THOC7: variants seen among roughly 807,000 people sequenced by gnomAD.
The protein encoded by THOC7 is THO complex subunit 7, also known as NIF3L1-binding protein 1.
THOC7 carries 22 observed loss-of-function variants against 33.1 expected under a neutral mutation model. The observed-to-expected ratio is 0.66, with a 90% CI of 0.47 to 0.95. THOC7 has a LOEUF of 0.95. Among genes scored for constraint, THOC7 ranks in the 40% least tolerant of loss-of-function variants. The probability of loss-of-function intolerance (pLI) is 0.00; values close to 1 mark genes in which losing one functional copy is unlikely to be tolerated. For synonymous variants in THOC7, 77 were observed against 76.8 expected (o/e 1.00, Z -0.01); for missense variants, 184 against 245.3 (o/e 0.75, Z 1.67).
chr3:63,835,492 A>C (rs1701612951), intron 5 of THOC7, 102 bp from the exon 6 acceptor site: 2 of 1,065,758 alleles, frequency 1.9e-6, no homozygotes, highest in African/African-American at 1.6e-5. Flanking sequence ...TAAAATAAAA[A>C]AAGGGCTTAT....
chr3:63,834,375 C>A (rs1472672267), intron 7 of THOC7, among the ~76,000 whole-genome samples, 176 bp from the exon 8 acceptor site: 2 of 151,622 alleles, frequency 1.3e-5, no homozygotes, highest in Non-Finnish European at 2.9e-5. Flanking sequence ...AAAAAAAAAT[C>A]CAGGCAGGGT....
At chr3:63,841,541 T>C (rs1701760895) in intron 1 of THOC7, among the ~76,000 whole-genome samples, 1 of 152,196 alleles carries the variant, frequency 6.6e-6, no homozygotes, top group East Asian at 1.9e-4. Flanking sequence ...AGATAAACTT[T>C]GGAAGGCAGA....
intron 1 of THOC7, chr3:63,848,612 C>G (rs1222081284): frequency 2.0e-5 from 3 of 152,140 alleles, no homozygotes; most frequent in African/African-American, 4.8e-5. Context: ...TTAACCTTGG[C>G]AAAATAAACT....
intron 1 of THOC7, among the ~76,000 whole-genome samples, chr3:63,862,908 C>T (rs541241495): frequency 1.8e-4 from 27 of 152,284 alleles, no homozygotes; most frequent in Non-Finnish European, 3.5e-4. Context: ...TAGACCATCT[C>T]CCTTAGACTG....
At chr3:63,862,290 T>C (rs2107173861) in intron 1 of THOC7, among the ~76,000 whole-genome samples, 1 of 152,398 alleles carries the variant, frequency 6.6e-6, no homozygotes, top group South Asian at 2.1e-4. Context: ...ATCTATTTAT[T>C]CTTCAAAAAT....
intron 1 of THOC7, among the ~76,000 whole-genome samples, chr3:63,853,689 A>T (rs1702058591): frequency 6.6e-6 from 1 of 152,158 alleles, no homozygotes; most frequent in Non-Finnish European, 1.5e-5. Flanking sequence ...CGGGAGGATC[A>T]CGAGGTCAGG....
chr3:63,845,110 G>C (rs73831964), intron 1 of THOC7: 2 of 685,440 alleles, frequency 2.9e-6, no homozygotes, highest in Admixed American at 4.2e-5. Flanking sequence ...TTCTGGGGGT[G>C]GGGGGTACTA....
intron 1 of THOC7, among the ~76,000 whole-genome samples, chr3:63,853,318 G>A (rs1470736526): frequency 3.9e-5 from 6 of 152,172 alleles, no homozygotes; most frequent in African/African-American, 1.4e-4. Flanking sequence ...CCCTGTCCAG[G>A]CATTCACAGG....
intron 1 of THOC7, among the ~76,000 whole-genome samples, chr3:63,855,260 A>G (rs1439161545): frequency 1.7e-5 from 2 of 120,460 alleles, no homozygotes; most frequent in African/African-American, 3.2e-5. Context: ...ATTTCGTTAT[A>G]CCATAATTGC....
intron 1 of THOC7, among the ~76,000 whole-genome samples, chr3:63,849,320 G>A (rs557216992): frequency 7.0e-4 from 107 of 152,250 alleles, no homozygotes; most frequent in African/African-American, 2.2e-3. Context: ...CCCAGGAGGC[G>A]GAGGTTGCAG....
intron 1 of THOC7, chr3:63,861,572 C>T (rs1702213944): frequency 6.6e-6 from 1 of 152,174 alleles, no homozygotes; most frequent in African/African-American, 2.4e-5. Context: ...AGCAGGAACT[C>T]GGCAGGTGGT....
chr3:63,852,728 A>G (rs1006611537), intron 1 of THOC7, among the ~76,000 whole-genome samples: 1 of 152,200 alleles, frequency 6.6e-6, no homozygotes, highest in African/African-American at 2.4e-5. Context: ...ATGGGCCAGA[A>G]TTTTTAGGAG....
At chr3:63,862,350 T>G (rs1702241147) in intron 1 of THOC7, among the ~76,000 whole-genome samples, 2 of 152,250 alleles carry the variant, frequency 1.3e-5, no homozygotes, top group African/African-American at 4.8e-5. Context: ...GGATAAATAA[T>G]CTTTGTTACA....
At chr3:63,862,834 C>T (rs989585078) in intron 1 of THOC7, among the ~76,000 whole-genome samples, 1 of 152,132 alleles carries the variant, frequency 6.6e-6, no homozygotes, top group Admixed American at 6.5e-5. Flanking sequence ...CTTGTAGGTT[C>T]TCCCTCCAGT....
At chr3:63,842,784 G>A (rs532140135) in intron 1 of THOC7, among the ~76,000 whole-genome samples, 28 of 152,114 alleles carry the variant, frequency 1.8e-4, no homozygotes, top group African/African-American at 4.1e-4. Flanking sequence ...TACACTACCC[G>A]GGTGACAGGT....
At chr3:63,838,826 A>G (rs1366613411) in intron 2 of THOC7, among the ~76,000 whole-genome samples, 2 of 152,148 alleles carry the variant, frequency 1.3e-5, no homozygotes, top group Admixed American at 6.6e-5. Flanking sequence ...TGTTCCCACA[A>G]TTTTTTCACT....
At chr3:63,856,368 A>G (rs1435984529) in intron 1 of THOC7, among the ~76,000 whole-genome samples, 1 of 152,162 alleles carries the variant, frequency 6.6e-6, no homozygotes, top group East Asian at 1.9e-4. Context: ...ACAATAATTT[A>G]TTGCACATTT....
upstream of THOC7, among the ~76,000 whole-genome samples, chr3:63,864,177 C>T (rs906303031): frequency 1.3e-5 from 2 of 150,704 alleles, no homozygotes; most frequent in African/African-American, 2.4e-5. Context: ...GCCCGGACGC[C>T]GCCAGGGCTG....
intron 1 of THOC7, among the ~76,000 whole-genome samples, chr3:63,845,319 C>G (rs1701865476): frequency 1.3e-5 from 2 of 152,202 alleles, no homozygotes; most frequent in South Asian, 4.1e-4. Flanking sequence ...TAGTGGCTGA[C>G]AAGTCACTGG....
Sources: gnomAD v4.1 joint callset for allele counts (sites outside exome capture counted in the v4.1 genomes callset) on GRCh38, gnomAD v4.1.1 for gene constraint, MANE v1.5 for transcripts, NCBI Gene and HGNC (gene_info 2026-07-23, HGNC 2026-07-21) for gene names.